Variants in CRAMP1 observed in about 807,000 individuals in gnomAD.
The protein encoded by CRAMP1 is cramped chromatin regulator 1.
CRAMP1 carries 50 observed loss-of-function variants against 115.4 expected under a neutral mutation model. That is an observed-to-expected ratio of 0.43 (90% CI 0.35 to 0.55). The LOEUF is 0.55. Ranked by LOEUF, CRAMP1 falls within the 20% of genes least tolerant of loss-of-function variation. The pLI, the probability that CRAMP1 is intolerant of heterozygous loss-of-function variation, is 0.01. For missense variants in CRAMP1, 1,679 were observed against 1,721.7 expected (o/e 0.98, Z 0.44); for synonymous variants, 866 against 745.4 (o/e 1.16, Z -2.64).
At position 1,640,797 on chromosome 16, in the gene CRAMP1, C is replaced by G. The variant is rs117209023; in HGVS notation, c.779-342C>G. On this transcript the variant is annotated intron_variant, in intron 5 of 20. Transcript: ENST00000397412. ...TGCCTGCAGGAAGCAGCTGTTGAGC[C>G]AGGCAGATAGGGATGAGTGGAAGGC... Among the ~76,000 whole-genome samples the G allele has an allele frequency of 6.0e-3, 910 of 152,274 alleles. 4 individuals carry two copies. The highest frequency in any genetic ancestry group is 9.2e-3 in the Non-Finnish European group (627 of 68,024).
chr16:1,655,671 T>C (rs1321458718), intron 9 of CRAMP1, among the ~76,000 whole-genome samples: 1 of 152,162 alleles, frequency 6.6e-6, no homozygotes, highest in Non-Finnish European at 1.5e-5. Flanking sequence ...ATAGGCGTGG[T>C]GCGTGTCAGG....
At chr16:1,641,971 A>G (rs1394054713) in intron 6 of CRAMP1, among the ~76,000 whole-genome samples, 1 of 151,848 alleles carries the variant, frequency 6.6e-6, no homozygotes, top group Non-Finnish European at 1.5e-5. Context: ...GTGCATGTAC[A>G]TTTCTCACCT....
chr16:1,637,073 A>G (rs887415146), intron 4 of CRAMP1, among the ~76,000 whole-genome samples: 8 of 152,170 alleles, frequency 5.3e-5, no homozygotes, highest in African/African-American at 1.7e-4. Flanking sequence ...CAGGTAGATC[A>G]TTTGAGGTCA....
intron 6 of CRAMP1, 85 bp downstream of exon 6, chr16:1,641,272 G>A: frequency 3.0e-6 from 3 of 984,062 alleles, no homozygotes; most frequent in Admixed American, 3.6e-5. Context: ...AATGCTCTCA[G>A]TGAGGACCTT....
intron 6 of CRAMP1, among the ~76,000 whole-genome samples, chr16:1,647,610 T>C (rs960391685): frequency 2.0e-5 from 3 of 151,896 alleles, no homozygotes; most frequent in African/African-American, 7.3e-5. Context: ...TGTATGTTGG[T>C]GTATGCCTGT....
At chr16:1,657,562 C>G (rs2036786952) in intron 10 of CRAMP1, among the ~76,000 whole-genome samples, 1 of 152,232 alleles carries the variant, frequency 6.6e-6, no homozygotes, top group African/African-American at 2.4e-5. Flanking sequence ...GCAGATGTGG[C>G]AAAGTCAGAG....
intron 3 of CRAMP1, among the ~76,000 whole-genome samples, chr16:1,630,120 C>T (rs1218912330): frequency 6.6e-6 from 1 of 152,162 alleles, no homozygotes; most frequent in African/African-American, 2.4e-5. Flanking sequence ...CCCTTACCCC[C>T]CATCAGCATG....
intron 9 of CRAMP1, among the ~76,000 whole-genome samples, chr16:1,655,619 C>T (rs1363792215): frequency 2.6e-5 from 4 of 152,230 alleles, no homozygotes; most frequent in African/African-American, 9.6e-5. Flanking sequence ...GCCCAGCCTT[C>T]TTCACATCCA....
chr16:1,650,336 C>T (rs749602580), intron 6 of CRAMP1, among the ~76,000 whole-genome samples: 9 of 152,186 alleles, frequency 5.9e-5, no homozygotes, highest in South Asian at 2.1e-4. Flanking sequence ...AGCCAAACTG[C>T]GGGAGTCATC....
chr16:1,669,106 C>T lies in CRAMP1; in HGVS notation c.3440C>T (p.Thr1147Ile), dbSNP rs2036900874. 6.2e-7 allele frequency: 1 copy of T among 1,610,888 alleles called. No homozygotes were observed. The highest frequency in any genetic ancestry group is 1.1e-5 in the South Asian group (1 of 90,318). Residue 1147 changes from threonine to isoleucine, a missense_variant, in exon 19 of 21, where the codon ACC becomes ATC. By Grantham distance (89) the Thr-to-Ile change is moderately conservative. Around this residue, in one of 8 missense-constraint regions of CRAMP1, gnomAD observed 709 missense variants for 741.9 expected, o/e 0.96. Coordinates refer to ENST00000397412, the MANE Select transcript of CRAMP1 (RefSeq NM_020825.4). This position sits in a 1 kb window ranked among gnomAD's most constrained non-coding sequence, Gnocchi z 4.6. ...SPQPHWIASPTHDPQWYPSDS... is the reference protein window; with the variant it reads ...SPQPHWIASPIHDPQWYPSDS... ...CAGCCACACTGGATCGCCTCTCCCA[C>T]CCACGACCCCCAGTGGTACCCCAGT...
chr16:1,646,922 C>A, intron 6 of CRAMP1: 1 of 635,830 alleles, frequency 1.6e-6, no homozygotes. Flanking sequence ...CATTGAGTGG[C>A]CTTTGCATCC....
At position 1,641,049 on chromosome 16, in the gene CRAMP1, G is replaced by A. The variant is rs1006043803; in HGVS notation, c.779-90G>A. On this transcript the variant is annotated intron_variant, in intron 5 of 20. Transcript: ENST00000397412. ...TTTAATATTCGGTAATGGGATTTGA[G>A]TCTATATTGAGCGGAATTGTATGGG... 1.3e-5 allele frequency: 11 copies of A among 861,144 alleles called. No homozygotes were observed. The African/African-American group carries it at 1.8e-4, about 14-fold the overall frequency. 53.3% of individuals were successfully genotyped at this position (861,144 alleles called of 1,614,324 possible). A position where few individuals can be genotyped will look rare whatever the true frequency, so the allele number is the denominator to read the frequency against.
chr16:1,614,990 G>T lies in CRAMP1; in HGVS notation c.346+5G>T. On this transcript the variant is annotated splice_donor_5th_base_variant and intron_variant, in intron 2 of 20. Transcript: ENST00000397412. The surrounding 1 kb of genome is among the most constrained non-coding windows in gnomAD (Gnocchi z 4.4). ...GCTCGGGGCCCCGCGGAAAAGGTAGGGCGGCCCGTCCCCTTGGGAGACCCC... is the reference window on the plus strand; with the variant it reads ...GCTCGGGGCCCCGCGGAAAAGGTAGTGCGGCCCGTCCCCTTGGGAGACCCC... 1 of 1,249,484 alleles carries T rather than the reference G, an allele frequency of 8.0e-7. No individual in the cohort carries two copies. The highest frequency in any genetic ancestry group is 3.7e-5 in the South Asian group (1 of 27,160). 77.4% of individuals were successfully genotyped at this position (1,249,484 alleles called of 1,614,324 possible).
intron 5 of CRAMP1, among the ~76,000 whole-genome samples, chr16:1,639,981 A>G (rs534246535): frequency 6.6e-6 from 1 of 152,202 alleles, no homozygotes; most frequent in East Asian, 1.9e-4. Flanking sequence ...CAGGCTTCCA[A>G]CCCTTCATCC....
At chr16:1,645,730 C>T (rs914381070) in intron 6 of CRAMP1, among the ~76,000 whole-genome samples, 1 of 152,266 alleles carries the variant, frequency 6.6e-6, no homozygotes, top group Non-Finnish European at 1.5e-5. Context: ...CTAGCTTCAC[C>T]CCAGCAGCCT....
rs1181850673 is a variant in CRAMP1, at chr16:1,677,730, C to T, written c.*3685C>T. On this transcript the variant is annotated 3_prime_UTR_variant, in exon 21 of 21. Coordinates refer to ENST00000397412, the MANE Select transcript of CRAMP1 (RefSeq NM_020825.4). Reference sequence around the variant, plus strand: ...TGTATGTATAAAGCAGAATGCCTGCCTTTCCTGGTTATTTTTTGTACCATA... The same window carrying T: ...TGTATGTATAAAGCAGAATGCCTGCTTTTCCTGGTTATTTTTTGTACCATA... 3 of 152,760 alleles carry T rather than the reference C, an allele frequency of 2.0e-5. No individual in the cohort carries two copies. In the East Asian group the frequency reaches 5.8e-4, roughly 29 times the overall value. The allele number at this position is 152,760 out of a possible 1,614,324, so 9.5% of individuals were successfully genotyped here.
intron 6 of CRAMP1, among the ~76,000 whole-genome samples, chr16:1,651,762 A>G (rs2036725712): frequency 6.7e-6 from 1 of 149,024 alleles, no homozygotes. Context: ...AGAGAGGTGG[A>G]CTGAGGTCAC....
At chr16:1,641,340 G>C (rs1476836586) in intron 6 of CRAMP1, among the ~76,000 whole-genome samples, 153 bp downstream of exon 6, 1 of 152,156 alleles carries the variant, frequency 6.6e-6, no homozygotes. Flanking sequence ...AAAGGTGCTT[G>C]GTCCAGGGAG....
intron 6 of CRAMP1, 116 bp downstream of exon 6, chr16:1,641,303 C>A: frequency 1.3e-6 from 1 of 768,326 alleles, no homozygotes; most frequent in South Asian, 1.6e-5. Flanking sequence ...ACTTCATAAC[C>A]TCTCAGTTAC....
Sources: allele counts gnomAD v4.1 joint callset (sites outside exome capture counted in the v4.1 genomes callset), GRCh38; gene constraint gnomAD v4.1.1; regional missense constraint gnomAD v4.1.1; non-coding constraint Gnocchi (gnomAD v3.1); transcripts MANE v1.5; gene names NCBI Gene and HGNC (gene_info 2026-07-23, HGNC 2026-07-21).